Variants in MEIS2 observed in about 807,000 individuals in gnomAD.
The protein encoded by MEIS2 is Meis homeobox 2, also known as homeobox protein Meis2.
MEIS2 carries 9 observed loss-of-function variants against 58.6 expected under a neutral mutation model. That is an observed-to-expected ratio of 0.15 (90% CI 0.09 to 0.27). MEIS2 has a LOEUF of 0.27. MEIS2 is among the 10% of genes least tolerant of loss of function. MEIS2 has a pLI of 1.00. For synonymous variants in MEIS2, 221 were observed against 228.4 expected (o/e 0.97, Z 0.29); for missense variants, 427 against 635.0 (o/e 0.67, Z 3.52).
chr15:37,050,397 T>C (rs1711699447), intron 7 of MEIS2, among the ~76,000 whole-genome samples: 1 of 152,110 alleles, frequency 6.6e-6, no homozygotes, highest in African/African-American at 2.4e-5. Context: ...GCCTTGTGGG[T>C]TTATATCTAA....
intron 7 of MEIS2, among the ~76,000 whole-genome samples, chr15:37,078,407 A>G (rs1156322772): frequency 6.6e-6 from 1 of 151,614 alleles, no homozygotes; most frequent in Non-Finnish European, 1.5e-5. Flanking sequence ...TTCAATTACC[A>G]GATGTGAAAG....
At chr15:36,922,178 A>G (rs1360709855) in intron 9 of MEIS2, among the ~76,000 whole-genome samples, 2 of 152,202 alleles carry the variant, frequency 1.3e-5, no homozygotes, top group African/African-American at 2.4e-5. Flanking sequence ...TAGAACCTAA[A>G]GGTTTAGTTC....
chr15:36,998,236 GTTTTTT>G (rs5811954), intron 8 of MEIS2, among the ~76,000 whole-genome samples: 9 of 66,774 alleles, frequency 1.3e-4, no homozygotes, highest in African/African-American at 2.3e-4. Context: ...AAAACACAAA[GTTTTTT>G]TTTTTTTTTT....
intron 9 of MEIS2, among the ~76,000 whole-genome samples, chr15:36,930,758 C>T (rs1049002286): frequency 2.6e-5 from 4 of 152,162 alleles, no homozygotes; most frequent in African/African-American, 4.8e-5. Context: ...ATATACTGTT[C>T]ATGTATGCTC....
At chr15:36,932,395 T>C (rs2058016060) in intron 9 of MEIS2, among the ~76,000 whole-genome samples, 1 of 152,236 alleles carries the variant, frequency 6.6e-6, no homozygotes, top group African/African-American at 2.4e-5. Flanking sequence ...GTATTGCTCA[T>C]AATTTTATGA....
intron 9 of MEIS2, among the ~76,000 whole-genome samples, chr15:36,929,431 C>T (rs1163663188): frequency 6.6e-6 from 1 of 152,174 alleles, no homozygotes; most frequent in African/African-American, 2.4e-5. Flanking sequence ...TCTCCCCCAA[C>T]TGTATGGAGT....
chr15:37,078,978 C>A (rs185036659), intron 7 of MEIS2, among the ~76,000 whole-genome samples: 1 of 152,046 alleles, frequency 6.6e-6, no homozygotes, highest in African/African-American at 2.4e-5. Flanking sequence ...TTTATGGGCA[C>A]CATTACATGC....
At position 37,099,809 on chromosome 15, in the gene MEIS2, AAAAAGAAAG is replaced by A. The variant is rs150319274; in HGVS notation, c.-352_-344del. The A allele has an allele frequency of 0.022, 5,979 of 268,528 alleles. 387 individuals carry two copies. Among genetic ancestry groups the A allele is most frequent in the African/African-American group, 0.13 (5,595 of 43,728 alleles). 16.6% of individuals were successfully genotyped at this position (268,528 alleles called of 1,614,324 possible). ...TCTTCTCTTCCCCTCAGTTGGAAAA[AAAAAGAAAG>A]AAAAGAAAAAGAAGAAAAAGAAGAA... On this transcript the variant is annotated 5_prime_UTR_variant, in exon 1 of 12. Transcript: ENST00000561208.
chr15:36,912,871 A>G (rs1308680241), intron 9 of MEIS2, among the ~76,000 whole-genome samples: 4 of 151,566 alleles, frequency 2.6e-5, no homozygotes, highest in Admixed American at 2.6e-4. Flanking sequence ...CTAAACTGTC[A>G]AAGTGATGTC....
chr15:36,987,321 T>C (rs1309456578), intron 8 of MEIS2, among the ~76,000 whole-genome samples: 1 of 149,738 alleles, frequency 6.7e-6, no homozygotes, highest in Non-Finnish European at 1.5e-5. Context: ...GGCAAGAGGA[T>C]CATTTGAACC....
At chr15:36,977,889 C>T (rs531500042) in intron 8 of MEIS2, among the ~76,000 whole-genome samples, 1 of 152,150 alleles carries the variant, frequency 6.6e-6, no homozygotes, top group African/African-American at 2.4e-5. Context: ...AGGCAAACAA[C>T]CTGAATTCCA....
intron 7 of MEIS2, among the ~76,000 whole-genome samples, chr15:37,046,472 A>G (rs1490145459): frequency 6.6e-6 from 1 of 152,196 alleles, no homozygotes; most frequent in African/African-American, 2.4e-5. Flanking sequence ...GAAAAAAAAA[A>G]TTCAGACTGC....
intron 7 of MEIS2, among the ~76,000 whole-genome samples, chr15:37,082,435 A>G (rs1892359102): frequency 1.3e-5 from 2 of 152,076 alleles, no homozygotes; most frequent in South Asian, 2.1e-4. Context: ...GAGTCATAGA[A>G]AGCTTTCCAG....
intron 8 of MEIS2, among the ~76,000 whole-genome samples, chr15:37,035,606 C>A (rs1166052513): frequency 1.3e-5 from 2 of 152,170 alleles, no homozygotes; most frequent in South Asian, 2.1e-4. Context: ...CAAGAATAAC[C>A]ACTACCACAG....
chr15:37,059,336 A>G (rs1888873596), intron 7 of MEIS2, among the ~76,000 whole-genome samples: 1 of 152,218 alleles, frequency 6.6e-6, no homozygotes, highest in African/African-American at 2.4e-5. Flanking sequence ...GTCTATCAAC[A>G]TTGCTTCTAT....
intron 8 of MEIS2, among the ~76,000 whole-genome samples, chr15:36,987,839 T>A (rs1425752266): frequency 1.3e-5 from 2 of 152,046 alleles, no homozygotes; most frequent in African/African-American, 4.8e-5. Context: ...TGGGATTAAA[T>A]CAAAGAAGAC....
At chr15:36,963,934 A>C (rs930615584) in intron 8 of MEIS2, among the ~76,000 whole-genome samples, 3 of 152,228 alleles carry the variant, frequency 2.0e-5, no homozygotes, top group South Asian at 2.1e-4. Flanking sequence ...CTCTGGAGAC[A>C]TTACTTTCTT....
At chr15:36,928,665 A>T (rs2057846253) in intron 9 of MEIS2, among the ~76,000 whole-genome samples, 2 of 152,248 alleles carry the variant, frequency 1.3e-5, no homozygotes, top group South Asian at 4.1e-4. Context: ...GTGGAGATTT[A>T]AAAAGATGTG....
rs2140088798 is a variant in MEIS2, at chr15:37,093,711, T to C, written c.509A>G (p.Asn170Ser). The C allele has an allele frequency of 6.2e-7, 1 of 1,614,210 alleles. No homozygotes were observed. Among genetic ancestry groups the C allele is most frequent in the Non-Finnish European group, 8.5e-7 (1 of 1,180,034 alleles). Residue 170 changes from asparagine (N) to serine (S), a missense_variant, in exon 6 of 12, where the codon AAC (asparagine) becomes AGC (serine). By Grantham distance (46) the Asn-to-Ser change is conservative. This residue lies in a region of MEIS2 where 138 missense variants were observed against 263.0 expected (regional missense o/e 0.52). Coordinates refer to ENST00000561208, the MANE Select transcript of MEIS2 (RefSeq NM_170675.5). ...ELEKVHELCD[N>S]FCHRYISCLK... is the part of the protein sequence containing the mutation. ...ACAGCTAATGTATCGGTGGCAGAAG[T>C]TATCGCACAGTTCGTGGACCTAGAA...
Sources: allele counts gnomAD v4.1 joint callset (sites outside exome capture counted in the v4.1 genomes callset), GRCh38; gene constraint gnomAD v4.1.1; regional missense constraint gnomAD v4.1.1; transcripts MANE v1.5; gene names NCBI Gene and HGNC (gene_info 2026-07-23, HGNC 2026-07-21).